COL27A1: variants seen among roughly 807,000 people sequenced by gnomAD.
The protein encoded by COL27A1 is collagen type XXVII alpha 1 chain.
A neutral mutation model predicts 251.3 loss-of-function variants in COL27A1; 106 were observed. The ratio of observed to expected loss-of-function variants is 0.42; its 90% CI spans 0.36 to 0.50. The LOEUF (loss-of-function observed/expected upper bound fraction) is 0.50, where lower values mean the gene tolerates loss of function less well. Among genes scored for constraint, COL27A1 ranks in the 20% least tolerant of loss-of-function variants. The pLI, the probability that COL27A1 is intolerant of heterozygous loss-of-function variation, is 0.00. For missense variants in COL27A1, 2,325 were observed against 2,522.8 expected, an observed-to-expected ratio of 0.92 and a Z score of 1.68; for synonymous variants, 1,000 against 986.3, an observed-to-expected ratio of 1.01 and a Z score of -0.26.
At position 114,182,641 on chromosome 9, in the gene COL27A1, G is replaced by A. The variant is rs1360566984; in HGVS notation, c.1963-381G>A. On this transcript the variant is annotated intron_variant, in intron 4 of 60. Coordinates refer to ENST00000356083, the MANE Select transcript of COL27A1 (RefSeq NM_032888.4). ...GGGGCTAGGCTGAGAGATGTGGAGA[G>A]GTGGTAAAATTTAGGGGTGAAGGAC... Among the ~76,000 whole-genome samples, 5 of 152,318 alleles carry A rather than the reference G, an allele frequency of 3.3e-5. No homozygotes were observed. In the South Asian group the frequency reaches 8.3e-4, roughly 25 times the overall value.
At chr9:114,242,320 G>A in intron 22 of COL27A1, 89 bp downstream of exon 22, 1 of 1,202,198 alleles carries the variant, frequency 8.3e-7, no homozygotes, top group Non-Finnish European at 1.2e-6. Flanking sequence ...GTGCTCCAGA[G>A]GGAAGTCATC....
At chr9:114,278,376 T>G in intron 37 of COL27A1, among the ~76,000 whole-genome samples, 2 of 121,904 alleles carry the variant, frequency 1.6e-5, no homozygotes, top group Admixed American at 8.2e-5. Flanking sequence ...GGAGTGGAGG[T>G]GAGGGTGATG....
chr9:114,240,001 C>A (rs1832643679), intron 19 of COL27A1, among the ~76,000 whole-genome samples: 1 of 152,204 alleles, frequency 6.6e-6, no homozygotes, highest in East Asian at 1.9e-4. Flanking sequence ...CCTGCACCGT[C>A]CGGTGTATTG....
At position 114,240,205 on chromosome 9, in the gene COL27A1, T is replaced by G. The variant is rs1281528361; in HGVS notation, c.2728-15T>G. The G allele has an allele frequency of 6.2e-7, 1 of 1,612,586 alleles. No homozygotes were observed. Among genetic ancestry groups the G allele is most frequent in the Non-Finnish European group, 8.5e-7 (1 of 1,178,990 alleles). ...ACAGCCCCCGTGGGTGACCCTGCTC[T>G]CTGCTTCCCCTCAGGGATTCCCAGG... On this transcript the variant is annotated splice_polypyrimidine_tract_variant and intron_variant, in intron 19 of 60. Coordinates refer to ENST00000356083, the MANE Select transcript of COL27A1 (RefSeq NM_032888.4).
chr9:114,203,319 T>C (rs950714262), intron 7 of COL27A1, among the ~76,000 whole-genome samples: 1 of 152,200 alleles, frequency 6.6e-6, no homozygotes, highest in African/African-American at 2.4e-5. Flanking sequence ...TTCAGCGCCC[T>C]TGAATCCAAT....
Position 114,219,666 on chromosome 9 carries a change from C to T in COL27A1, c.2368-125C>T. 3 of 707,936 alleles carry T rather than the reference C, an allele frequency of 4.2e-6. No homozygotes were observed. The South Asian group carries it at 4.9e-5, about 12-fold the overall frequency. 43.9% of individuals were successfully genotyped at this position (707,936 alleles called of 1,614,324 possible). A position where few individuals can be genotyped will look rare whatever the true frequency, so the allele number is the denominator to read the frequency against. On this transcript the variant is annotated intron_variant, in intron 12 of 60. Coordinates refer to ENST00000356083, the MANE Select transcript of COL27A1 (RefSeq NM_032888.4). Reference sequence around the variant, plus strand: ...GTGACCTCAGGACCGCACTGTCTGCCCATGACCAAGGAGTGAGACTGCTTG... The same window carrying T: ...GTGACCTCAGGACCGCACTGTCTGCTCATGACCAAGGAGTGAGACTGCTTG...
At chr9:114,257,585 C>G (rs1359404539) in intron 27 of COL27A1, among the ~76,000 whole-genome samples, 1 of 151,398 alleles carries the variant, frequency 6.6e-6, no homozygotes, top group Non-Finnish European at 1.5e-5. Context: ...GTCGTCTGTT[C>G]ATCAAAACCA....
chr9:114,164,261 T>G (rs1176341745), intron 2 of COL27A1, among the ~76,000 whole-genome samples: 1 of 152,268 alleles, frequency 6.6e-6, no homozygotes, highest in Non-Finnish European at 1.5e-5. Flanking sequence ...ATCTAGTAAG[T>G]GCTCAACAAG....
At chr9:114,291,009 C>A in intron 48 of COL27A1, 92 bp downstream of exon 48, 1 of 877,874 alleles carries the variant, frequency 1.1e-6, no homozygotes, top group Non-Finnish European at 1.7e-6. Context: ...ACCCATGTCC[C>A]AGGGCCTGTG....
At chr9:114,193,842 A>G (rs1471045831) in intron 5 of COL27A1, among the ~76,000 whole-genome samples, 1 of 152,128 alleles carries the variant, frequency 6.6e-6, no homozygotes, top group East Asian at 1.9e-4. Flanking sequence ...CCAGGGGAAC[A>G]AGCCAGGAGA....
At chr9:114,231,664 C>T (rs372383744) in intron 15 of COL27A1, among the ~76,000 whole-genome samples, 158 bp from the exon 16 acceptor site, 3 of 152,168 alleles carry the variant, frequency 2.0e-5, no homozygotes, top group South Asian at 2.1e-4. Context: ...CACACCCTTG[C>T]CCTGTGAGAT....
chr9:114,292,263 TCACATACACCTACA>T, intron 49 of COL27A1, 53 bp downstream of exon 49: 1 of 1,310,316 alleles, frequency 7.6e-7, no homozygotes, highest in Non-Finnish European at 1.1e-6. Context: ...ATGCACACAC[TCACATACACCTACA>T]TGTACAAACA....
rs890469131 is a variant in COL27A1, at chr9:114,206,357, C to T, written c.2268+61C>T. 5.2e-6 allele frequency: 8 copies of T among 1,550,006 alleles called. No homozygotes were observed. The East Asian group carries it at 9.0e-5, about 17-fold the overall frequency. Reference sequence around the variant, plus strand: ...TTCTAGGTGAGCATCACCTGTCCCTCCAGTGGGCTTGATGGGAGGTCAGAG... The same window carrying T: ...TTCTAGGTGAGCATCACCTGTCCCTTCAGTGGGCTTGATGGGAGGTCAGAG... On this transcript the variant is annotated intron_variant, in intron 10 of 60. Coordinates refer to ENST00000356083, the MANE Select transcript of COL27A1 (RefSeq NM_032888.4).
intron 26 of COL27A1, 74 bp from the exon 27 acceptor site, chr9:114,252,805 T>G: frequency 2.0e-6 from 3 of 1,513,062 alleles, no homozygotes; most frequent in South Asian, 2.2e-5. Context: ...GCACTGGGGC[T>G]GAGCCGACCG....
chr9:114,156,926 C>A (rs1031202517), intron 1 of COL27A1, among the ~76,000 whole-genome samples: 6 of 152,150 alleles, frequency 3.9e-5, no homozygotes, highest in Non-Finnish European at 5.9e-5. Flanking sequence ...CCCCAGGACA[C>A]CAGGACACTC....
At chr9:114,262,980 C>T (rs560991388) in intron 28 of COL27A1, among the ~76,000 whole-genome samples, 1 of 126,706 alleles carries the variant, frequency 7.9e-6, no homozygotes, top group Admixed American at 1.0e-4. Flanking sequence ...GCTCTGTCGC[C>T]CAGGGTGGAG....
chr9:114,304,582 A>T (rs754034447), intron 56 of COL27A1, 26 bp from the exon 57 acceptor site: 1 of 1,613,518 alleles, frequency 6.2e-7, no homozygotes, highest in Non-Finnish European at 8.5e-7. Context: ...GGGCCACGAT[A>T]CATACCCTGT....
chr9:114,287,506 C>T (rs1471242665), intron 41 of COL27A1, among the ~76,000 whole-genome samples: 1 of 152,136 alleles, frequency 6.6e-6, no homozygotes, highest in Non-Finnish European at 1.5e-5. Context: ...CTGTTCCGCC[C>T]CCCCCACCCC....
Position 114,284,887 on chromosome 9 carries a change from TG to T in COL27A1, c.3987+115del. 3.8e-5 allele frequency: 46 copies of T among 1,208,838 alleles called. 1 individual carries two copies. In the South Asian group the frequency reaches 5.6e-4, roughly 15 times the overall value. The allele number at this position is 1,208,838 out of a possible 1,614,324, so 74.9% of individuals were successfully genotyped here. A position where few individuals can be genotyped will look rare whatever the true frequency, so the allele number is the denominator to read the frequency against. ...GGGTACCCATGGCTGGAGAAGCCTG[TG>T]GGGGCTCACCCCCTGCAGCAGCCGA... On this transcript the variant is annotated intron_variant, in intron 41 of 60. Transcript: ENST00000356083.
Sources: allele counts gnomAD v4.1 joint callset (sites outside exome capture counted in the v4.1 genomes callset), GRCh38; gene constraint gnomAD v4.1.1; transcripts MANE v1.5; gene names NCBI Gene and HGNC (gene_info 2026-07-23, HGNC 2026-07-21).